THSD4: variants seen among roughly 807,000 people sequenced by gnomAD.
The protein encoded by THSD4 is thrombospondin type-1 domain-containing protein 4.
Under a neutral mutation model 119.0 loss-of-function variants are expected in THSD4, and 69 were observed. The ratio of observed to expected loss-of-function variants is 0.58; its 90% confidence interval spans 0.48 to 0.71. The LOEUF (loss-of-function observed/expected upper bound fraction) is 0.71, where lower values mean the gene tolerates loss of function less well. Ranked by LOEUF, THSD4 falls within the 30% of genes least tolerant of loss-of-function variation. The pLI, the probability that THSD4 is intolerant of heterozygous loss-of-function variation, is 0.00. For synonymous variants in THSD4, 524 were observed against 540.4 expected, an observed-to-expected ratio of 0.97 and a Z score of 0.42; for missense variants, 1,393 against 1,391.1, an observed-to-expected ratio of 1.00 and a Z score of -0.02.
chr15:71,580,528 A>G (rs905130720), intron 7 of THSD4, among the ~76,000 whole-genome samples: 1 of 152,152 alleles, frequency 6.6e-6, no homozygotes. Context: ...TCAAGCATAC[A>G]ATACAGTATC....
chr15:71,680,475 T>TA (rs137869024), intron 8 of THSD4, among the ~76,000 whole-genome samples: 1 of 152,308 alleles, frequency 6.6e-6, no homozygotes, highest in South Asian at 2.1e-4. Flanking sequence ...GTTGGTAGGG[T>TA]AAAAATTTGT....
chr15:71,368,718 T>C (rs562884282), intron 6 of THSD4, among the ~76,000 whole-genome samples: 56 of 152,318 alleles, frequency 3.7e-4, no homozygotes, highest in African/African-American at 1.3e-3. Flanking sequence ...TCAGGTAGTG[T>C]GATGCCTCCA....
intron 6 of THSD4, among the ~76,000 whole-genome samples, chr15:71,403,186 T>C (rs2046560958): frequency 6.6e-6 from 1 of 152,142 alleles, no homozygotes. Flanking sequence ...ATCTCCTGGA[T>C]CCCACACGTT....
At chr15:71,596,846 G>C (rs748930404) in intron 7 of THSD4, among the ~76,000 whole-genome samples, 1 of 152,148 alleles carries the variant, frequency 6.6e-6, no homozygotes, top group Non-Finnish European at 1.5e-5. Flanking sequence ...ATGGTTTGTC[G>C]GGCCCCTAGG....
chr15:71,192,286 T>G (rs889455883), intron 3 of THSD4, among the ~76,000 whole-genome samples: 2 of 151,832 alleles, frequency 1.3e-5, no homozygotes, highest in African/African-American at 4.8e-5. Context: ...TTGGTGGATT[T>G]ATTTATTTAT....
At chr15:71,189,337 T>C (rs1345354826) in intron 3 of THSD4, among the ~76,000 whole-genome samples, 1 of 152,216 alleles carries the variant, frequency 6.6e-6, no homozygotes, top group Non-Finnish European at 1.5e-5. Flanking sequence ...TATTCAAGCC[T>C]GACTGTGCAT....
At chr15:71,339,123 G>T (rs1005884864) in intron 6 of THSD4, among the ~76,000 whole-genome samples, 1 of 152,152 alleles carries the variant, frequency 6.6e-6, no homozygotes, top group East Asian at 1.9e-4. Context: ...TTAGCTTTGT[G>T]TTCTGCCCTT....
chr15:71,570,066 G>A (rs2140897785), intron 7 of THSD4, among the ~76,000 whole-genome samples: 1 of 152,258 alleles, frequency 6.6e-6, no homozygotes, highest in South Asian at 2.1e-4. Flanking sequence ...AAATAAAGCG[G>A]ATAAAATATA....
intron 15 of THSD4, among the ~76,000 whole-genome samples, chr15:71,762,288 C>T (rs1439595976): frequency 6.6e-6 from 1 of 152,192 alleles, no homozygotes; most frequent in Non-Finnish European, 1.5e-5. Flanking sequence ...CTCATTCTCC[C>T]TGAAGTACAC....
chr15:71,281,941 A>C (rs1199909188), intron 6 of THSD4, among the ~76,000 whole-genome samples: 1 of 152,154 alleles, frequency 6.6e-6, no homozygotes, highest in African/African-American at 2.4e-5. Context: ...TAAAACCCTG[A>C]CTCTGATGTT....
intron 8 of THSD4, among the ~76,000 whole-genome samples, chr15:71,671,140 G>A (rs1046170495): frequency 2.0e-5 from 3 of 152,280 alleles, no homozygotes; most frequent in Non-Finnish European, 4.4e-5. Context: ...ATCCTCTCCA[G>A]CACCTGTAGT....
chr15:71,605,264 C>T (rs546053752), intron 7 of THSD4, among the ~76,000 whole-genome samples: 8 of 152,156 alleles, frequency 5.3e-5, no homozygotes, highest in East Asian at 1.9e-4. Context: ...TTGCCTGGGA[C>T]CATCCACATT....
At chr15:71,162,421 T>C (rs2043256858) in intron 3 of THSD4, among the ~76,000 whole-genome samples, 2 of 152,092 alleles carry the variant, frequency 1.3e-5, no homozygotes, top group African/African-American at 4.8e-5. Context: ...GGTTGACAGC[T>C]TTTTCTTCTT....
chr15:71,143,700 CTTTTTTTT>C (rs546375502), intron 2 of THSD4, among the ~76,000 whole-genome samples: 8 of 100,742 alleles, frequency 7.9e-5, no homozygotes, highest in South Asian at 3.5e-4. Flanking sequence ...TTTTTTCTTT[CTTTTTTTT>C]TTTTTTTTTT....
At position 71,256,489 on chromosome 15, in the gene THSD4, T is replaced by A. The variant is rs1016990871; in HGVS notation, c.913-124T>A. 334 of 548,180 alleles carry A rather than the reference T, an allele frequency of 6.1e-4. 1 individual carries two copies. The highest frequency in any genetic ancestry group is 2.7e-3 in the African/African-American group (130 of 47,900). The allele number at this position is 548,180 out of a possible 1,614,324, so 34.0% of individuals were successfully genotyped here. A position where few individuals can be genotyped will look rare whatever the true frequency, so the allele number is the denominator to read the frequency against. On this transcript the variant is annotated intron_variant, in intron 5 of 17. Coordinates refer to ENST00000261862, the MANE Select transcript of THSD4 (RefSeq NM_024817.3). ...AGACTCCATCTCAAAAAAAAAAAAA[T>A]AAATAAATAAAGAATAAAAATAAAA...
chr15:71,129,222 C>A (rs138669348), intron 1 of THSD4, among the ~76,000 whole-genome samples: 13 of 152,324 alleles, frequency 8.5e-5, no homozygotes, highest in African/African-American at 2.9e-4. Flanking sequence ...ACTCGAAGTA[C>A]AGGGAAGCTG....
intron 7 of THSD4, among the ~76,000 whole-genome samples, chr15:71,595,849 A>G (rs750681076): frequency 6.6e-6 from 1 of 152,224 alleles, no homozygotes; most frequent in Non-Finnish European, 1.5e-5. Context: ...CAAAGAAGCT[A>G]AGAAACTTGC....
intron 7 of THSD4, among the ~76,000 whole-genome samples, chr15:71,506,976 T>C (rs1161823137): frequency 6.6e-6 from 1 of 152,212 alleles, no homozygotes; most frequent in Non-Finnish European, 1.5e-5. Flanking sequence ...GGAGCAGAAT[T>C]GAAAACTTCA....
intron 4 of THSD4, among the ~76,000 whole-genome samples, chr15:71,222,108 A>G (rs2043979851): frequency 6.6e-6 from 1 of 152,194 alleles, no homozygotes; most frequent in Admixed American, 6.5e-5. Context: ...CTCTGAAAGC[A>G]GGGTGGATTT....
Sources: gnomAD v4.1 joint callset for allele counts (sites outside exome capture counted in the v4.1 genomes callset) on GRCh38, gnomAD v4.1.1 for gene constraint, MANE v1.5 for transcripts, NCBI Gene and HGNC (gene_info 2026-07-23, HGNC 2026-07-21) for gene names.